CCDC88C: variants seen among roughly 807,000 people sequenced by gnomAD.
CCDC88C encodes the protein protein Daple.
In CCDC88C, 131 loss-of-function variants were observed where a neutral mutation model predicts 198.8. The ratio of observed to expected loss-of-function variants is 0.66; its 90% CI spans 0.57 to 0.76. The LOEUF is 0.76. Among genes scored for constraint, CCDC88C ranks in the 30% least tolerant of loss-of-function variants. The pLI, the probability that CCDC88C is intolerant of heterozygous loss-of-function variation, is 0.00. For missense variants in CCDC88C, 2,553 were observed against 2,631.6 expected, an observed-to-expected ratio of 0.97 and a Z score of 0.65; for synonymous variants, 1,166 against 1,114.7, an observed-to-expected ratio of 1.05 and a Z score of -0.92.
At position 91,313,557 on chromosome 14, in the gene CCDC88C, C is replaced by G; in HGVS notation, c.2259G>C (p.Lys753Asn). 3.1e-6 allele frequency: 5 copies of G among 1,611,382 alleles called. No homozygotes were observed. Among genetic ancestry groups the G allele is most frequent in the Non-Finnish European group, 4.2e-6 (5 of 1,179,894 alleles). ...NVDLLKALGKKSERLELSYQS... is the reference protein window; with the variant it reads ...NVDLLKALGKNSERLELSYQS... ...GGTAGCTGAGCTCCAGGCGCTCTGA[C>G]TTCTTGCCCAGCGCCTTGAGCAGAT... The change falls in exon 15 of 30, where the codon AAG becomes AAC. Residue 753 changes from lysine (K) to asparagine (N), a missense_variant. Lys to Asn is a moderately conservative substitution (Grantham distance 94, BLOSUM62 0). This residue lies in a region of CCDC88C where 1,260 missense variants were observed against 1,412.0 expected (regional missense o/e 0.89). Coordinates refer to ENST00000389857, the MANE Select transcript of CCDC88C (RefSeq NM_001080414.4). This position sits in a 1 kb window ranked among gnomAD's most constrained non-coding sequence, Gnocchi z 5.2.
chr14:91,308,310 G>GGT, intron 17 of CCDC88C, 41 bp downstream of exon 17: 1 of 1,609,690 alleles, frequency 6.2e-7, no homozygotes, highest in South Asian at 1.1e-5. Flanking sequence ...GTGAGGCTGA[G>GGT]AATGGGCAGC....
At chr14:91,275,001 T>C (rs1033615548) in intron 29 of CCDC88C, among the ~76,000 whole-genome samples, 1 of 152,086 alleles carries the variant, frequency 6.6e-6, no homozygotes, top group Non-Finnish European at 1.5e-5. Flanking sequence ...TGACATGCCC[T>C]CCCTGCATCA....
At position 91,388,186 on chromosome 14, in the gene CCDC88C, G is replaced by C. The variant is rs571693989; in HGVS notation, c.270+20473C>G. Among the ~76,000 whole-genome samples the C allele has an allele frequency of 2.0e-5, 3 of 152,334 alleles. No homozygotes were observed. In the South Asian group the frequency reaches 6.2e-4, roughly 32 times the overall value. On this transcript the variant is annotated intron_variant, in intron 3 of 29. Transcript: ENST00000389857. Reference sequence around the variant, plus strand: ...CACGCCCCAGCGATATCCCCACTGTGCTGCGGCCAGCAAGCGGGAGACGGC... The same window carrying C: ...CACGCCCCAGCGATATCCCCACTGTCCTGCGGCCAGCAAGCGGGAGACGGC...
At chr14:91,293,407 C>CCCCTCACCTGCCACGGCCTACCTTCCTGT (rs1567055200) in intron 23 of CCDC88C, among the ~76,000 whole-genome samples, 2 of 12,160 alleles carry the variant, frequency 1.6e-4, no homozygotes, top group Admixed American at 9.6e-4. Flanking sequence ...CACCTTCCTG[C>CCCCTCACCTGCCACGGCCTACCTTCCTGT]CCCCTCACCT....
chr14:91,386,402 A>C (rs973875734), intron 3 of CCDC88C, among the ~76,000 whole-genome samples: 1 of 152,008 alleles, frequency 6.6e-6, no homozygotes, highest in Admixed American at 6.5e-5. Flanking sequence ...CAGAGGTTGC[A>C]GTGAGCCAAG....
chr14:91,353,143 C>T (rs529379414), intron 4 of CCDC88C, among the ~76,000 whole-genome samples: 40 of 152,296 alleles, frequency 2.6e-4, no homozygotes, highest in Middle Eastern at 6.8e-3. Flanking sequence ...TCCTCTGGCC[C>T]ATGAATCCTA....
At chr14:91,281,332 G>A in intron 27 of CCDC88C, 125 bp downstream of exon 27, 1 of 1,549,968 alleles carries the variant, frequency 6.5e-7, no homozygotes, top group Non-Finnish European at 8.7e-7. Flanking sequence ...GGAAGAATGG[G>A]TCCCCCATTT....
At chr14:91,319,487 A>G (rs1363525879) in intron 13 of CCDC88C, among the ~76,000 whole-genome samples, 1 of 152,170 alleles carries the variant, frequency 6.6e-6, no homozygotes, top group Non-Finnish European at 1.5e-5. Flanking sequence ...CCACAGCAAG[A>G]CCCTAAGGTG....
In CCDC88C at chr14:91,417,772, C is replaced by A. The variant is rs3742653; in HGVS notation, c.-82G>T. The A allele has an allele frequency of 0.11, 120,176 of 1,062,330 alleles. 7,610 individuals carry two copies. The highest frequency in any genetic ancestry group is 0.17 in the Admixed American group (3,882 of 23,070). The allele number at this position is 1,062,330 out of a possible 1,614,324, so 65.8% of individuals were successfully genotyped here. A position where few individuals can be genotyped will look rare whatever the true frequency, so the allele number is the denominator to read the frequency against. On this transcript the variant is annotated 5_prime_UTR_variant, in exon 1 of 30. Transcript: ENST00000389857. ...GCCGCGGCACAAAACGGCTCCGCAG[C>A]GAGCAGCGGGCGCGGGGCTGCGGCG...
At chr14:91,396,929 G>C (rs1245531499) in intron 3 of CCDC88C, among the ~76,000 whole-genome samples, 1 of 151,998 alleles carries the variant, frequency 6.6e-6, no homozygotes, top group Non-Finnish European at 1.5e-5. Context: ...GAGCCTGGCA[G>C]GTCAAGGTCG....
chr14:91,308,781 G>C (rs569954449), intron 16 of CCDC88C, among the ~76,000 whole-genome samples: 1 of 152,300 alleles, frequency 6.6e-6, no homozygotes, highest in African/African-American at 2.4e-5. Context: ...GGGAAACTGA[G>C]TCTCAGAAAG....
intron 23 of CCDC88C, among the ~76,000 whole-genome samples, chr14:91,292,890 A>G (rs1276246727): frequency 6.6e-6 from 1 of 152,152 alleles, no homozygotes; most frequent in Non-Finnish European, 1.5e-5. Flanking sequence ...ATCCCTTCCA[A>G]AACAACTCCA....
chr14:91,399,662 AC>A, intron 3 of CCDC88C, among the ~76,000 whole-genome samples: 1 of 151,992 alleles, frequency 6.6e-6, no homozygotes, highest in East Asian at 1.9e-4. Flanking sequence ...ACACGGTGAA[AC>A]CCCGTCTCTA....
chr14:91,281,458 G>T lies in CCDC88C; in HGVS notation c.4698C>A (p.Tyr1566Ter), dbSNP rs775434901. ...LEFEVPNHRQ[Y>*]VSRPSSLESS... ...GGACACAGCACCCTCCCTACTCACC[G>T]TACTGCCTGTGGTTGGGGACCTCAA... Residue 1566 changes from tyrosine (Y) to a stop codon, truncating the protein, a stop_gained and splice_region_variant, in exon 27 of 30, where the codon TAC (tyrosine) becomes TAA (stop). Coordinates refer to ENST00000389857, the MANE Select transcript of CCDC88C (RefSeq NM_001080414.4). LOFTEE classifies it high-confidence loss of function. The T allele has an allele frequency of 6.2e-7, 1 of 1,613,824 alleles. No individual in the cohort carries two copies.
intron 3 of CCDC88C, among the ~76,000 whole-genome samples, chr14:91,375,840 C>T (rs1264380701): frequency 6.6e-6 from 1 of 152,244 alleles, no homozygotes; most frequent in Non-Finnish European, 1.5e-5. Context: ...TGATCTGACC[C>T]TTTCCAGCAG....
chr14:91,398,850 C>T (rs1886002180), intron 3 of CCDC88C, among the ~76,000 whole-genome samples: 1 of 152,156 alleles, frequency 6.6e-6, no homozygotes, highest in Non-Finnish European at 1.5e-5. Flanking sequence ...GCCTGCAGCC[C>T]TGGGGGCGCA....
intron 3 of CCDC88C, among the ~76,000 whole-genome samples, chr14:91,403,235 A>G (rs1043881828): frequency 3.3e-5 from 5 of 152,170 alleles, no homozygotes; most frequent in African/African-American, 1.2e-4. Flanking sequence ...AAGTCCCCAC[A>G]TCCATCCAAG....
chr14:91,299,078 A>G (rs988382516), intron 21 of CCDC88C, among the ~76,000 whole-genome samples: 59 of 152,254 alleles, frequency 3.9e-4, no homozygotes, highest in African/African-American at 1.4e-3. Context: ...CATCCAGCCT[A>G]GGGAAAAAAT....
rs1890489875 is a variant in CCDC88C, at chr14:91,288,011, C to T, written c.4441+1094G>A. Among the ~76,000 whole-genome samples the T allele has an allele frequency of 6.6e-6, 1 of 152,240 alleles. No homozygotes were observed. On this transcript the variant is annotated intron_variant, in intron 25 of 29. Coordinates refer to ENST00000389857, the MANE Select transcript of CCDC88C (RefSeq NM_001080414.4). This position sits in a 1 kb window ranked among gnomAD's most constrained non-coding sequence, Gnocchi z 4.2. ...AATTTCAGTGATGTCTCAGTCACCA[C>T]TGGCCAGGTGGCCACGGTGACAAAA...
Sources: gnomAD v4.1 joint callset for allele counts (sites outside exome capture counted in the v4.1 genomes callset) on GRCh38, gnomAD v4.1.1 for gene constraint, gnomAD v4.1.1 regional missense constraint, Gnocchi (gnomAD v3.1) non-coding constraint, MANE v1.5 for transcripts, NCBI Gene and HGNC (gene_info 2026-07-23, HGNC 2026-07-21) for gene names.